DMD: variants seen among roughly 807,000 people sequenced by gnomAD.
The protein encoded by DMD is mutant dystrophin.
In DMD, 63 loss-of-function variants were observed where a neutral mutation model predicts 330.1. That is an observed-to-expected ratio of 0.19 (90% CI 0.16 to 0.24). DMD has a LOEUF of 0.24. DMD is among the 10% of genes least tolerant of loss of function. The probability of loss-of-function intolerance (pLI) is 1.00; values close to 1 mark genes in which losing one functional copy is unlikely to be tolerated. For missense variants in DMD, 3,344 were observed against 2,684.1 expected, an observed-to-expected ratio of 1.25 and a Z score of -5.43; for synonymous variants, 1,223 against 959.8, an observed-to-expected ratio of 1.27 and a Z score of -5.07.
chrX:32,204,398 T>A (rs983536375), intron 44 of DMD, among the ~76,000 whole-genome samples: 1 of 112,636 alleles, frequency 8.9e-6, no homozygotes, highest in Non-Finnish European at 1.9e-5. Context: ...CTAAACCAAC[T>A]TTATAAATTA....
At chrX:32,681,327 G>C (rs1048223897) in intron 9 of DMD, among the ~76,000 whole-genome samples, 1 of 111,425 alleles carries the variant, frequency 9.0e-6, no homozygotes, top group Non-Finnish European at 1.9e-5. Context: ...CTAGTAATAA[G>C]CCTTATATAT....
chrX:31,593,009 C>T (rs1012561941), intron 55 of DMD, among the ~76,000 whole-genome samples: 2 of 110,771 alleles, frequency 1.8e-5, no homozygotes, highest in African/African-American at 6.5e-5. Context: ...TTATAATAGT[C>T]CTAGATTTTT....
intron 44 of DMD, among the ~76,000 whole-genome samples, chrX:32,042,126 T>TATACATATATAC (rs758653847): frequency 0.011 from 812 of 74,510 alleles, 10 homozygotes; most frequent in Non-Finnish European, 0.014. Flanking sequence ...CACACATATG[T>TATACATATATAC]ATACATATAT....
intron 76 of DMD, among the ~76,000 whole-genome samples, chrX:31,143,893 G>A (rs2036379390): frequency 8.9e-6 from 1 of 112,036 alleles, no homozygotes; most frequent in Admixed American, 9.4e-5. Flanking sequence ...AGGTACTAAA[G>A]CTCAGTTGTT....
intron 16 of DMD, among the ~76,000 whole-genome samples, chrX:32,545,541 C>T (rs1226074016): frequency 8.9e-6 from 1 of 111,735 alleles, no homozygotes; most frequent in African/African-American, 3.3e-5. Context: ...AAAGTAATCT[C>T]AACATCGAAA....
At chrX:31,950,785 A>G (rs1261901513) in intron 45 of DMD, among the ~76,000 whole-genome samples, 2 of 110,050 alleles carry the variant, frequency 1.8e-5, no homozygotes, top group Admixed American at 2.0e-4. Flanking sequence ...TTTGTCTGAC[A>G]TTAGTATTGT....
chrX:32,320,710 T>C (rs1456212254), intron 41 of DMD, among the ~76,000 whole-genome samples: 1 of 112,316 alleles, frequency 8.9e-6, no homozygotes, highest in Non-Finnish European at 1.9e-5. Flanking sequence ...ATTAATATTC[T>C]TTTATAATGG....
intron 55 of DMD, among the ~76,000 whole-genome samples, chrX:31,558,640 T>G (rs2074997357): frequency 9.2e-6 from 1 of 108,965 alleles, no homozygotes; most frequent in African/African-American, 3.4e-5. Context: ...CTGAGTTATA[T>G]GTGTATATAT....
intron 63 of DMD, among the ~76,000 whole-genome samples, chrX:31,252,231 A>G (rs2049444469): frequency 8.9e-6 from 1 of 112,335 alleles, no homozygotes; most frequent in African/African-American, 3.2e-5. Flanking sequence ...AAGAACATTT[A>G]TAACAGCCTT....
Position 31,645,462 on chromosome X carries a change from GA to G in DMD, c.8027+12527del, listed in dbSNP as rs757837924. Among the ~76,000 whole-genome samples, 17 of 112,084 alleles carry G rather than the reference GA, an allele frequency of 1.5e-4. No individual in the cohort carries two copies. The East Asian group carries it at 3.7e-3, about 24-fold the overall frequency. On this transcript the variant is annotated intron_variant, in intron 54 of 78. Transcript: ENST00000357033. ...GAATAACAGCCTTGGAGGAGTCATA[GA>G]AAAAAATGTCTGAATAGAGTCAAAA...
At chrX:31,964,747 T>C (rs962251149) in intron 45 of DMD, among the ~76,000 whole-genome samples, 1 of 110,110 alleles carries the variant, frequency 9.1e-6, no homozygotes, top group Non-Finnish European at 1.9e-5. Flanking sequence ...ACAGTGTAAA[T>C]GGGCATATGT....
intron 27 of DMD, among the ~76,000 whole-genome samples, chrX:32,445,060 G>T (rs1271600924): frequency 1.8e-5 from 2 of 111,515 alleles, no homozygotes; most frequent in Non-Finnish European, 3.8e-5. Flanking sequence ...CTAAAGCATT[G>T]GTTAAAAAGA....
intron 61 of DMD, among the ~76,000 whole-genome samples, chrX:31,341,886 C>CGT (rs2057772187): frequency 2.8e-5 from 2 of 72,145 alleles, no homozygotes; most frequent in Non-Finnish European, 5.5e-5. Context: ...CGTGCGTGCG[C>CGT]GCGCGCACAC....
intron 62 of DMD, among the ~76,000 whole-genome samples, chrX:31,321,166 A>G (rs745506035): frequency 7.1e-5 from 8 of 112,106 alleles, no homozygotes; most frequent in African/African-American, 2.6e-4. Flanking sequence ...ATATTATCGA[A>G]CAAAAGCTGA....
At chrX:31,353,241 G>A (rs919519600) in intron 60 of DMD, among the ~76,000 whole-genome samples, 2 of 111,022 alleles carry the variant, frequency 1.8e-5, no homozygotes, top group Non-Finnish European at 3.8e-5. Context: ...GTTGAAAGCC[G>A]ATGATGCAAA....
At chrX:32,695,697 G>T (rs1164319452) in intron 9 of DMD, among the ~76,000 whole-genome samples, 1 of 111,862 alleles carries the variant, frequency 8.9e-6, no homozygotes, top group African/African-American at 3.2e-5. Context: ...TGGAAGTGGT[G>T]AAGACAGAGA....
At chrX:33,038,590 C>T (rs2094243977) in intron 1 of DMD, among the ~76,000 whole-genome samples, 1 of 111,566 alleles carries the variant, frequency 9.0e-6, no homozygotes, top group African/African-American at 3.3e-5. Context: ...CCACCTGCCT[C>T]GATGTGTTCA....
intron 1 of DMD, among the ~76,000 whole-genome samples, chrX:33,116,406 G>A (rs948062311): frequency 3.6e-5 from 4 of 110,375 alleles, no homozygotes; most frequent in African/African-American, 1.3e-4. Flanking sequence ...CTACTCGGGA[G>A]GCTGAGGTGG....
chrX:33,250,086 TA>T (rs1250816064), intron 1 of DMD, among the ~76,000 whole-genome samples: 1 of 14,051 alleles, frequency 7.1e-5, no homozygotes, highest in African/African-American at 2.5e-4. Context: ...AACTATTCAT[TA>T]TATATATATA....
Sources: gnomAD v4.1 joint callset for allele counts (sites outside exome capture counted in the v4.1 genomes callset) on GRCh38, gnomAD v4.1.1 for gene constraint, MANE v1.5 for transcripts, NCBI Gene and HGNC (gene_info 2026-07-23, HGNC 2026-07-21) for gene names.